RTF2: variants seen among roughly 807,000 people sequenced by gnomAD.
RTF2 encodes replication termination factor 2.
RTF2 carries 18 observed loss-of-function variants against 38.0 expected under a neutral mutation model. The ratio of observed to expected loss-of-function variants is 0.47; its 90% CI spans 0.33 to 0.70. RTF2 has a LOEUF of 0.70. RTF2 is among the 30% of genes least tolerant of loss of function. The pLI, the probability that RTF2 is intolerant of heterozygous loss-of-function variation, is 0.02. For missense variants in RTF2, 311 were observed against 379.6 expected, an observed-to-expected ratio of 0.82 and a Z score of 1.50; for synonymous variants, 126 against 137.1, an observed-to-expected ratio of 0.92 and a Z score of 0.57.
chr20:56,501,798 G>A (rs916567675), intron 5 of RTF2, among the ~76,000 whole-genome samples: 3 of 152,166 alleles, frequency 2.0e-5, no homozygotes, highest in Admixed American at 2.0e-4. Flanking sequence ...AGCCAGGGAG[G>A]TTGAGGCTGT....
chr20:56,515,505 G>A (rs964712086), intron 6 of RTF2, among the ~76,000 whole-genome samples: 1 of 152,094 alleles, frequency 6.6e-6, no homozygotes, highest in Non-Finnish European at 1.5e-5. Flanking sequence ...TTGGGAGGCG[G>A]AGGTTGCAGT....
intron 4 of RTF2, among the ~76,000 whole-genome samples, chr20:56,482,237 G>A (rs570101954): frequency 2.8e-4 from 43 of 152,308 alleles, no homozygotes; most frequent in Non-Finnish European, 5.1e-4. Context: ...AAAATCCATG[G>A]ATGCTCAGGT....
intron 5 of RTF2, among the ~76,000 whole-genome samples, chr20:56,503,096 C>A (rs1984025694): frequency 6.6e-6 from 1 of 152,234 alleles, no homozygotes; most frequent in South Asian, 2.1e-4. Flanking sequence ...ACTGTAACTG[C>A]AGGTGCTGTC....
At position 56,484,151 on chromosome 20, in the gene RTF2, C is replaced by A. The variant is rs1416871760; in HGVS notation, c.439C>A (p.Arg147=). 2 of 1,614,050 alleles carry A rather than the reference C, an allele frequency of 1.2e-6. No individual in the cohort carries two copies. The highest frequency in any genetic ancestry group is 1.7e-6 in the Non-Finnish European group (2 of 1,180,006). The part of the protein sequence containing the change: ...LRCCGCVFSE[R]ALKEIKAEVC... ...GTGCTGCGGCTGTGTGTTTTCTGAG[C>A]GAGCCTTGAAAGAGATAAAAGCGGA... The change falls in exon 5 of 9, where the codon CGA becomes AGA. Residue 147 remains arginine (R), a synonymous_variant. Coordinates refer to ENST00000357348, the MANE Select transcript of RTF2 (RefSeq NM_016407.5).
chr20:56,515,403 C>T (rs765360000), intron 6 of RTF2, among the ~76,000 whole-genome samples: 1 of 152,120 alleles, frequency 6.6e-6, no homozygotes, highest in Non-Finnish European at 1.5e-5. Context: ...GAAACCCCAT[C>T]TCTACTAAAA....
intron 5 of RTF2, among the ~76,000 whole-genome samples, chr20:56,506,770 G>A (rs990421260): frequency 1.3e-5 from 2 of 151,736 alleles, no homozygotes; most frequent in Non-Finnish European, 2.9e-5. Flanking sequence ...GCACGATCTC[G>A]GCTCACTGCA....
chr20:56,488,267 A>T (rs989217422), intron 5 of RTF2, among the ~76,000 whole-genome samples: 1 of 152,118 alleles, frequency 6.6e-6, no homozygotes, highest in African/African-American at 2.4e-5. Flanking sequence ...AGACTGAGGC[A>T]GGAGAATTGC....
chr20:56,506,518 G>A (rs866835598), intron 5 of RTF2, among the ~76,000 whole-genome samples: 1 of 152,004 alleles, frequency 6.6e-6, no homozygotes, highest in East Asian at 1.9e-4. Context: ...CTCCTAATTT[G>A]ACCACTGTTC....
chr20:56,470,858 T>C, intron 1 of RTF2: 1 of 325,900 alleles, frequency 3.1e-6, no homozygotes, highest in South Asian at 2.4e-5. Context: ...AGGACAGCCC[T>C]GCACTTGGGA....
In RTF2 at chr20:56,518,354, G is replaced by A. The variant is rs955783095; in HGVS notation, c.*89G>A. On this transcript the variant is annotated 3_prime_UTR_variant, in exon 9 of 9. Coordinates refer to ENST00000357348, the MANE Select transcript of RTF2 (RefSeq NM_016407.5). The stretch of plus-strand genomic sequence containing the variant: ...TGTGCCTCTGAGTGCGCTGCTGTGT[G>A]TTCTCTCTATAGTTCTGTGTCATAA... The A allele has an allele frequency of 1.5e-6, 2 of 1,301,596 alleles. No homozygotes were observed. The highest frequency in any genetic ancestry group is 1.1e-6 in the Non-Finnish European group (1 of 932,484). 80.6% of individuals were successfully genotyped at this position (1,301,596 alleles called of 1,614,324 possible).
chr20:56,474,705 A>G lies in RTF2; in HGVS notation c.192A>G (p.Glu64=). The G allele has an allele frequency of 6.2e-7, 1 of 1,611,142 alleles. No individual in the cohort carries two copies. Among genetic ancestry groups the G allele is most frequent in the Middle Eastern group, 1.7e-4 (1 of 6,054 alleles). ...TTTATAACAAAGATGCCGTCATTGA[A>G]TTTCTCTTGGACAAATCTGCAGAAA... The part of the protein sequence containing the change: ...GRLYNKDAVI[E]FLLDKSAEKA... The change falls in exon 3 of 9, where the codon GAA becomes GAG. Residue 64 remains glutamate (E), a synonymous_variant. Coordinates refer to ENST00000357348, the MANE Select transcript of RTF2 (RefSeq NM_016407.5).
chr20:56,493,926 C>T (rs981972801), intron 5 of RTF2, among the ~76,000 whole-genome samples: 2 of 152,148 alleles, frequency 1.3e-5, no homozygotes, highest in African/African-American at 4.8e-5. Context: ...GGAGCTTGCC[C>T]ATTGTAGTGG....
At chr20:56,514,420 GA>G (rs1984888779) in intron 6 of RTF2, 1 of 151,982 alleles carries the variant, frequency 6.6e-6, no homozygotes. Context: ...TAAGGCAAAA[GA>G]ATGCTTGAAG....
intron 4 of RTF2, among the ~76,000 whole-genome samples, chr20:56,477,363 CAA>C (rs150941629): frequency 0.019 from 2,867 of 152,220 alleles, 36 homozygotes; most frequent in Middle Eastern, 0.041. Context: ...GGTGGGGAAA[CAA>C]AACCTGAAGT....
rs142019828 is a variant in RTF2 at position 56,510,016 on chromosome 20, A to G, written c.478-3299A>G. Among the ~76,000 whole-genome samples the G allele has an allele frequency of 3.0e-4, 45 of 152,222 alleles. 2 individuals are homozygous for G. The East Asian group carries it at 5.2e-3, about 18-fold the overall frequency. ...AAAAAAAAAACATGTATATTGTATG[A>G]TTTCATTTATAGAAATGTCCAGAAG... On this transcript the variant is annotated intron_variant, in intron 5 of 8. Transcript: ENST00000357348.
chr20:56,507,254 T>G (rs768864463), intron 5 of RTF2, among the ~76,000 whole-genome samples: 1 of 152,126 alleles, frequency 6.6e-6, no homozygotes, highest in Admixed American at 6.6e-5. Context: ...ATCTCCGCAG[T>G]AGCCCCTACC....
chr20:56,488,360 C>CAAA (rs961941699), intron 5 of RTF2, among the ~76,000 whole-genome samples: 2 of 137,178 alleles, frequency 1.5e-5, no homozygotes, highest in Non-Finnish European at 3.2e-5. Flanking sequence ...GACTCTGTCT[C>CAAA]AAAAAAAAAA....
chr20:56,497,867 G>C (rs529531311), intron 5 of RTF2, among the ~76,000 whole-genome samples: 1 of 152,072 alleles, frequency 6.6e-6, no homozygotes, highest in African/African-American at 2.4e-5. Flanking sequence ...TTGCCGATAC[G>C]CCTTCTGTCA....
In RTF2 at chr20:56,518,106, T is replaced by G; in HGVS notation, c.762T>G (p.Ser254=). Residue 254 remains serine (S), a synonymous_variant, in exon 9 of 9, where the codon TCT becomes TCG. Coordinates refer to ENST00000357348, the MANE Select transcript of RTF2 (RefSeq NM_016407.5). ...PKSTAMNESS[S]GKAGKPPCGA... ...TTCTAGCAATGAATGAGAGCTCTTC[T>G]GGAAAAGCTGGGAAGCCTCCGTGTG... 2 of 1,611,368 alleles carry G rather than the reference T, an allele frequency of 1.2e-6. No homozygotes were observed. The highest frequency in any genetic ancestry group is 1.7e-6 in the Non-Finnish European group (2 of 1,179,200).
Sources: gnomAD v4.1 joint callset for allele counts (sites outside exome capture counted in the v4.1 genomes callset) on GRCh38, gnomAD v4.1.1 for gene constraint, MANE v1.5 for transcripts, NCBI Gene and HGNC (gene_info 2026-07-23, HGNC 2026-07-21) for gene names.